Variants in HOPX observed in about 807,000 individuals in gnomAD.
The protein encoded by HOPX is homeodomain-only protein.
HOPX carries 5 observed loss-of-function variants against 11.8 expected under a neutral mutation model. That is an observed-to-expected ratio of 0.43 (90% CI 0.22 to 0.89). The LOEUF is 0.89. HOPX is among the 40% of genes least tolerant of loss of function. HOPX has a pLI of 0.28. For missense variants in HOPX, 119 were observed against 120.0 expected (o/e 0.99, Z 0.04); for synonymous variants, 49 against 49.7 (o/e 0.99, Z 0.06).
At chr4:56,648,829 C>A in intron 3 of HOPX, 32 bp from the exon 4 acceptor site, 2 of 1,556,610 alleles carry the variant, frequency 1.3e-6, no homozygotes, top group South Asian at 2.2e-5. Context: ...AAATATTTGT[C>A]ACATACAGAA....
intron 3 of HOPX, chr4:56,649,810 A>G (rs1716986768): frequency 1.3e-5 from 2 of 152,484 alleles, no homozygotes; most frequent in Admixed American, 1.3e-4. Flanking sequence ...GAACAGGAGA[A>G]CCATGCTGGG....
rs539216409 is a variant in HOPX, at chr4:56,668,945, T to C, written c.-83-11046A>G. On this transcript the variant is annotated intron_variant, in intron 1 of 3. Coordinates refer to ENST00000420433, the MANE Select transcript of HOPX (RefSeq NM_032495.6). ...CTGTAAAATGTGGCTAAGAATGTCC[T>C]TCCTTGCCTCTTTACTCCAGTTGTG... 6.4e-4 allele frequency among the ~76,000 whole-genome samples: 98 copies of C among 152,346 alleles called. 1 individual carries two copies. In the Middle Eastern group the frequency reaches 0.014, roughly 21 times the overall value.
At chr4:56,672,343 AG>A (rs1257590106) in intron 1 of HOPX, among the ~76,000 whole-genome samples, 9 of 151,810 alleles carry the variant, frequency 5.9e-5, no homozygotes, top group Non-Finnish European at 1.0e-4. Context: ...GTTCCAGACC[AG>A]CCTAGGCAAC....
At chr4:56,652,859 G>T (rs1423910224) in intron 3 of HOPX, among the ~76,000 whole-genome samples, 1 of 151,968 alleles carries the variant, frequency 6.6e-6, no homozygotes, top group Non-Finnish European at 1.5e-5. Flanking sequence ...AAAAGAAACT[G>T]GGGAAGTGTC....
At position 56,661,574 on chromosome 4, in the gene HOPX, T is replaced by C. The variant is rs765330035; in HGVS notation, c.-83-3675A>G. On this transcript the variant is annotated intron_variant, in intron 1 of 3. Transcript: ENST00000420433. ...ACAAAACTACACCCCTTACCACCAG[T>C]GTATAGCATTTCCTTTGCTCCAAAT... Among the ~76,000 whole-genome samples, 47 of 152,330 alleles carry C rather than the reference T, an allele frequency of 3.1e-4. 1 individual carries two copies. In the East Asian group the frequency reaches 6.6e-3, roughly 21 times the overall value.
chr4:56,670,421 C>A (rs114660369), intron 1 of HOPX, among the ~76,000 whole-genome samples: 1 of 151,996 alleles, frequency 6.6e-6, no homozygotes, highest in African/African-American at 2.4e-5. Context: ...ATGTGTACTA[C>A]TAAGCTTGGA....
chr4:56,678,206 G>A (rs1273949218), intron 1 of HOPX, among the ~76,000 whole-genome samples: 2 of 151,360 alleles, frequency 1.3e-5, no homozygotes, highest in African/African-American at 4.9e-5. Context: ...TGTGTTCCCT[G>A]AGCCTCCCAA....
chr4:56,654,780 G>A (rs2109471875), intron 3 of HOPX, among the ~76,000 whole-genome samples: 1 of 152,264 alleles, frequency 6.6e-6, no homozygotes, highest in South Asian at 2.1e-4. Flanking sequence ...CCTCAACTGA[G>A]CATGGCTCAT....
chr4:56,677,619 T>TA lies in HOPX; in HGVS notation c.-84+3635dup, dbSNP rs1267104148. 1.1e-4 allele frequency among the ~76,000 whole-genome samples: 16 copies of TA among 150,642 alleles called. 1 individual carries two copies. The highest frequency in any genetic ancestry group is 3.0e-4 in the African/African-American group (12 of 40,474). On this transcript the variant is annotated intron_variant, in intron 1 of 3. Transcript: ENST00000420433. ...TGGCACATTTGGATTGAAGGGGAGG[T>TA]AAAAACCAATTGGAAACATGGCCAG...
intron 1 of HOPX, among the ~76,000 whole-genome samples, chr4:56,658,502 A>G (rs1488129948): frequency 6.6e-6 from 1 of 152,206 alleles, no homozygotes; most frequent in African/African-American, 2.4e-5. Context: ...ATTTCTAGAA[A>G]CGAAGGTGGA....
At chr4:56,664,297 A>AC (rs1205769271) in intron 1 of HOPX, 1 of 138,012 alleles carries the variant, frequency 7.2e-6, no homozygotes, top group East Asian at 2.1e-4. Flanking sequence ...TGCCTGGCTA[A>AC]TTTTTTTTTT....
chr4:56,661,219 T>G (rs1222969219), intron 1 of HOPX, among the ~76,000 whole-genome samples: 1 of 152,236 alleles, frequency 6.6e-6, no homozygotes, highest in Non-Finnish European at 1.5e-5. Flanking sequence ...ATATATAATT[T>G]TTCTGTAAAT....
At position 56,672,411 on chromosome 4, in the gene HOPX, C is replaced by T. The variant is rs183351710; in HGVS notation, c.-84+8844G>A. 3.0e-3 allele frequency among the ~76,000 whole-genome samples: 460 copies of T among 151,574 alleles called. 5 individuals are homozygous for T. Among genetic ancestry groups the T allele is most frequent in the African/African-American group, 0.01 (413 of 41,136 alleles). On this transcript the variant is annotated intron_variant, in intron 1 of 3. Transcript: ENST00000420433. ...AAAATTAGCCAGGCATGGTGGCACA[C>T]GCCTGTAATCCCAGCTGCTCTGGAT...
At chr4:56,658,979 T>C (rs1310984023) in intron 1 of HOPX, among the ~76,000 whole-genome samples, 1 of 152,272 alleles carries the variant, frequency 6.6e-6, no homozygotes, top group East Asian at 1.9e-4. Context: ...ATGGTTCTAC[T>C]TTTGTCCCCT....
intron 3 of HOPX, chr4:56,650,216 G>C (rs1209560069): frequency 6.4e-6 from 1 of 156,386 alleles, no homozygotes; most frequent in African/African-American, 2.4e-5. Context: ...CGTAAGCTTA[G>C]GGGGTTTCTA....
chr4:56,679,840 A>T lies in HOPX; in HGVS notation c.-84+1415T>A, dbSNP rs1465258082. ...CATTTTATACAAATGTAATCACTCA[A>T]CACATCCTATTTTGTGCATGGACAT... On this transcript the variant is annotated intron_variant, in intron 1 of 3. Coordinates refer to ENST00000420433, the MANE Select transcript of HOPX (RefSeq NM_032495.6). 3 of 152,226 alleles carry T rather than the reference A, an allele frequency of 2.0e-5. No homozygotes were observed. The East Asian group carries it at 5.8e-4, about 29-fold the overall frequency. 9.4% of individuals were successfully genotyped at this position (152,226 alleles called of 1,614,324 possible).
At chr4:56,681,534 G>A (rs1015085808), upstream of HOPX, 11 of 999,880 alleles carry the variant, frequency 1.1e-5, no homozygotes, top group Non-Finnish European at 1.3e-5. Flanking sequence ...CTATCTTCTC[G>A]TCCCTGACCT....
intron 2 of HOPX, chr4:56,656,557 C>T: frequency 1.3e-6 from 1 of 779,864 alleles, no homozygotes; most frequent in Non-Finnish European, 1.6e-6. Context: ...CCTCTCCAGG[C>T]AGGGCTGCAC....
At chr4:56,668,308 T>C (rs1718546439) in intron 1 of HOPX, among the ~76,000 whole-genome samples, 1 of 152,208 alleles carries the variant, frequency 6.6e-6, no homozygotes, top group South Asian at 2.1e-4. Flanking sequence ...GTGTGAGAAA[T>C]AGGTTGTTTG....
Sources: allele counts gnomAD v4.1 joint callset (sites outside exome capture counted in the v4.1 genomes callset), GRCh38; gene constraint gnomAD v4.1.1; transcripts MANE v1.5; gene names NCBI Gene and HGNC (gene_info 2026-07-23, HGNC 2026-07-21).